SLC25A48: variants seen among roughly 807,000 people sequenced by gnomAD.
SLC25A48 encodes the protein CTC-321K16.1.
A neutral mutation model predicts 32.2 loss-of-function variants in SLC25A48; 29 were observed. The observed-to-expected ratio is 0.90, with a 90% CI of 0.67 to 1.23. The LOEUF (loss-of-function observed/expected upper bound fraction) is 1.23, where lower values mean the gene tolerates loss of function less well. Among genes scored for constraint, SLC25A48 ranks in the 50% most tolerant of loss-of-function variants. The pLI is 0.00. For synonymous variants in SLC25A48, 164 were observed against 172.3 expected (o/e 0.95, Z 0.38); for missense variants, 399 against 422.7 (o/e 0.94, Z 0.49).
chr5:135,832,714 A>C (rs143441885), upstream of SLC25A48, among the ~76,000 whole-genome samples: 128 of 152,314 alleles, frequency 8.4e-4, no homozygotes, highest in African/African-American at 2.9e-3. Context: ...TGTGGCCTGA[A>C]AGGGTAAATA....
intron 3 of SLC25A48, among the ~76,000 whole-genome samples, chr5:135,719,542 G>A (rs949791811): frequency 6.6e-6 from 1 of 152,284 alleles, no homozygotes; most frequent in South Asian, 2.1e-4. Context: ...ACACCAGGGA[G>A]GGAAGGCACC....
At chr5:135,755,677 A>AT (rs1159128084) in intron 3 of SLC25A48, among the ~76,000 whole-genome samples, 1 of 151,972 alleles carries the variant, frequency 6.6e-6, no homozygotes, top group Non-Finnish European at 1.5e-5. Context: ...TATAGTATTA[A>AT]TTAAATATTG....
chr5:135,788,281 T>G (rs1756904620), intron 3 of SLC25A48, among the ~76,000 whole-genome samples: 1 of 147,140 alleles, frequency 6.8e-6, no homozygotes, highest in Non-Finnish European at 1.5e-5. Context: ...GGGTGGGGGA[T>G]GTACAGCCCC....
At chr5:135,873,930 T>G in intron 5 of SLC25A48, 91 bp from the exon 6 acceptor site, 2 of 1,351,510 alleles carry the variant, frequency 1.5e-6, no homozygotes, top group Non-Finnish European at 1.9e-6. Flanking sequence ...CCCAGCTTAA[T>G]GAATCTCTAA....
chr5:135,847,554 G>T (rs1245903739), intron 2 of SLC25A48, among the ~76,000 whole-genome samples: 1 of 152,192 alleles, frequency 6.6e-6, no homozygotes, highest in Non-Finnish European at 1.5e-5. Context: ...GAGATGGGAG[G>T]ATGATCCTGG....
rs532628854 is a variant in SLC25A48, at chr5:135,842,594, G to C, written c.90+135G>C. The C allele has an allele frequency of 1.5e-5, 13 of 872,224 alleles. No homozygotes were observed. In the East Asian group the frequency reaches 3.2e-4, roughly 22 times the overall value. The allele number at this position is 872,224 out of a possible 1,614,324, so 54.0% of individuals were successfully genotyped here. A position where few individuals can be genotyped will look rare whatever the true frequency, so the allele number is the denominator to read the frequency against. The stretch of plus-strand genomic sequence containing the variant: ...AGACTCTCTGTTGCCAGTCCAGGGG[G>C]TGTTGGGTGCCAGGAGGTCTGGTTT... On this transcript the variant is annotated intron_variant, in intron 2 of 7. Transcript: ENST00000681962.
chr5:135,611,110 A>G (rs949355235), intron 1 of SLC25A48, among the ~76,000 whole-genome samples: 1 of 152,216 alleles, frequency 6.6e-6, no homozygotes, highest in African/African-American at 2.4e-5. Flanking sequence ...TTATGTTCTA[A>G]ATCTGTTTAA....
chr5:135,620,857 C>G (rs1752309943), intron 1 of SLC25A48, among the ~76,000 whole-genome samples: 1 of 152,128 alleles, frequency 6.6e-6, no homozygotes, highest in African/African-American at 2.4e-5. Context: ...TCTCCCATGG[C>G]TAGGATTGTA....
At chr5:135,594,429 C>A (rs749320784) in intron 1 of SLC25A48, among the ~76,000 whole-genome samples, 13 of 152,200 alleles carry the variant, frequency 8.5e-5, no homozygotes, top group Non-Finnish European at 1.5e-4. Flanking sequence ...CGCCAGAGAA[C>A]ACTAGCTCCA....
chr5:135,736,320 G>A (rs768699559), intron 3 of SLC25A48, among the ~76,000 whole-genome samples: 7 of 152,150 alleles, frequency 4.6e-5, no homozygotes, highest in East Asian at 3.9e-4. Context: ...TGAAAGTGCC[G>A]TTTTCTGGCC....
rs189004712 is a variant in SLC25A48 at position 135,810,153 on chromosome 5, T to A, written c.-520-2370T>A. On this transcript the variant is annotated intron_variant, in intron 3 of 10. Coordinates refer to the SLC25A48 transcript ENST00000646290. ...GTGCTTTGCCTCAGATGGACCATTT[T>A]GATGCCATGTTGGGGACAAAGAAAG... Among the ~76,000 whole-genome samples the A allele has an allele frequency of 1.2e-3, 186 of 152,338 alleles. 1 individual carries two copies. Among genetic ancestry groups the A allele is most frequent in the African/African-American group, 4.1e-3 (172 of 41,586 alleles).
At chr5:135,846,980 A>G (rs765558569) in intron 2 of SLC25A48, among the ~76,000 whole-genome samples, 7 of 152,238 alleles carry the variant, frequency 4.6e-5, no homozygotes, top group Admixed American at 3.9e-4. Context: ...ACTTGATACA[A>G]TATGAGCAGG....
intron 3 of SLC25A48, among the ~76,000 whole-genome samples, chr5:135,762,849 A>T (rs1172570002): frequency 6.6e-6 from 1 of 151,986 alleles, no homozygotes; most frequent in African/African-American, 2.4e-5. Flanking sequence ...TAAAAGAATC[A>T]GTGGGAGAAC....
At chr5:135,827,509 G>A (rs946553172) in intron 4 of SLC25A48, 1 of 152,202 alleles carries the variant, frequency 6.6e-6, no homozygotes, top group Non-Finnish European at 1.5e-5. Context: ...GGAGTATGAT[G>A]GGAGTATGAA....
chr5:135,736,273 C>T (rs1160509929), intron 3 of SLC25A48, among the ~76,000 whole-genome samples: 5 of 151,978 alleles, frequency 3.3e-5, no homozygotes, highest in Admixed American at 6.6e-5. Context: ...GCCCATTTTT[C>T]GACAAAAATT....
At chr5:135,692,046 G>T (rs545320216) in intron 3 of SLC25A48, among the ~76,000 whole-genome samples, 1 of 152,166 alleles carries the variant, frequency 6.6e-6, no homozygotes, top group Admixed American at 6.5e-5. Context: ...GTCCGGGCGC[G>T]GTGGCTCACA....
chr5:135,856,158 C>G (rs1157196215), intron 4 of SLC25A48, among the ~76,000 whole-genome samples: 1 of 152,220 alleles, frequency 6.6e-6, no homozygotes, highest in Non-Finnish European at 1.5e-5. Flanking sequence ...AGTTCCCTGT[C>G]TCCTCAGGTT....
chr5:135,877,652 C>T (rs1676974190), intron 6 of SLC25A48, among the ~76,000 whole-genome samples: 1 of 152,220 alleles, frequency 6.6e-6, no homozygotes, highest in Non-Finnish European at 1.5e-5. Flanking sequence ...GGCAAACCAT[C>T]CACACAGCCC....
At chr5:135,589,912 T>G (rs2126875388) in intron 1 of SLC25A48, among the ~76,000 whole-genome samples, 1 of 152,208 alleles carries the variant, frequency 6.6e-6, no homozygotes, top group South Asian at 2.1e-4. Context: ...CCCAATTGGG[T>G]CTTGAACACC....
Sources: allele counts gnomAD v4.1 joint callset (sites outside exome capture counted in the v4.1 genomes callset), GRCh38; gene constraint gnomAD v4.1.1; transcripts MANE v1.5; gene names NCBI Gene and HGNC (gene_info 2026-07-23, HGNC 2026-07-21).